ARHGAP6: variants seen among roughly 807,000 people sequenced by gnomAD.
ARHGAP6 encodes rho GTPase-activating protein 6.
ARHGAP6 carries 16 observed loss-of-function variants against 55.7 expected under a neutral mutation model. The observed-to-expected ratio is 0.29, with a 90% CI of 0.19 to 0.44. The LOEUF (loss-of-function observed/expected upper bound fraction) is 0.44. ARHGAP6 is among the 20% of genes least tolerant of loss of function. The probability of loss-of-function intolerance (pLI) is 1.00; values close to 1 mark genes in which losing one functional copy is unlikely to be tolerated. For synonymous variants in ARHGAP6, 382 were observed against 360.9 expected, an observed-to-expected ratio of 1.06 and a Z score of -0.66; for missense variants, 698 against 808.9, an observed-to-expected ratio of 0.86 and a Z score of 1.66.
rs71928650 is a variant in ARHGAP6, at chrX:11,514,838, GCACACA to G, written c.588+149397_588+149402del. Reference sequence around the variant, plus strand: ...CCCTCTTCACCTTTGTCTATGCATTGCACACACACACACACACACACACACACACAC... The same window carrying G: ...CCCTCTTCACCTTTGTCTATGCATTGCACACACACACACACACACACACAC... On this transcript the variant is annotated intron_variant, in intron 1 of 12. Coordinates refer to ENST00000337414, the MANE Select transcript of ARHGAP6 (RefSeq NM_013427.3). 8.4e-3 allele frequency among the ~76,000 whole-genome samples: 804 copies of G among 96,210 alleles called. 2 individuals are homozygous for G. Among genetic ancestry groups the G allele is most frequent in the Middle Eastern group, 0.025 (5 of 197 alleles). The allele number at this position is 96,210 out of a possible 115,157, so 83.5% of individuals were successfully genotyped here. A position where few individuals can be genotyped will look rare whatever the true frequency, so the allele number is the denominator to read the frequency against.
At chrX:11,466,014 C>T (rs917177929) in intron 1 of ARHGAP6, among the ~76,000 whole-genome samples, 6 of 110,906 alleles carry the variant, frequency 5.4e-5, no homozygotes, top group African/African-American at 2.0e-4. Flanking sequence ...GTTAACCCTG[C>T]CCATCTTCCG....
intron 1 of ARHGAP6, among the ~76,000 whole-genome samples, chrX:11,300,433 G>A (rs1461086029): frequency 9.0e-6 from 1 of 111,722 alleles, no homozygotes; most frequent in Non-Finnish European, 1.9e-5. Context: ...AGTCCTCATG[G>A]ACACCTAATA....
At chrX:11,523,526 C>A (rs1037816532) in intron 1 of ARHGAP6, among the ~76,000 whole-genome samples, 2 of 112,120 alleles carry the variant, frequency 1.8e-5, no homozygotes, top group African/African-American at 6.5e-5. Context: ...TGATAAGCAA[C>A]TTCAGCAAAG....
At chrX:11,296,131 T>C (rs1418804754) in intron 1 of ARHGAP6, among the ~76,000 whole-genome samples, 2 of 112,773 alleles carry the variant, frequency 1.8e-5, no homozygotes, top group Non-Finnish European at 3.7e-5. Context: ...GGATTTATAA[T>C]GTTTCCACTT....
chrX:11,467,304 T>C (rs189590187), intron 1 of ARHGAP6, among the ~76,000 whole-genome samples: 2 of 110,001 alleles, frequency 1.8e-5, no homozygotes, highest in East Asian at 2.9e-4. Flanking sequence ...CTGGATGTGG[T>C]AGCACTCACC....
chrX:11,285,933 C>T (rs1329392953), intron 1 of ARHGAP6, among the ~76,000 whole-genome samples: 1 of 112,187 alleles, frequency 8.9e-6, no homozygotes, highest in East Asian at 2.8e-4. Flanking sequence ...CACTTGTTTT[C>T]GTTAGCTACG....
chrX:11,507,711 C>G (rs2050748130), intron 1 of ARHGAP6, among the ~76,000 whole-genome samples: 1 of 111,214 alleles, frequency 9.0e-6, no homozygotes, highest in African/African-American at 3.3e-5. Context: ...CAATTGTGCC[C>G]CCAGGCAGAC....
chrX:11,351,411 G>A (rs1016657656), intron 1 of ARHGAP6: 1 of 967,339 alleles, frequency 1.0e-6, no homozygotes, highest in African/African-American at 2.0e-5. Context: ...GAGAACAGTC[G>A]ACCCAAGTGA....
chrX:11,645,088 A>G (rs946004826), intron 1 of ARHGAP6, among the ~76,000 whole-genome samples: 16 of 111,952 alleles, frequency 1.4e-4, no homozygotes, highest in African/African-American at 5.2e-4. Flanking sequence ...CAGTCTCAAA[A>G]GGCTAAATAC....
intron 3 of ARHGAP6, among the ~76,000 whole-genome samples, chrX:11,195,987 A>AAAAAAAAAAG (rs770765295): frequency 1.0e-5 from 1 of 95,480 alleles, no homozygotes; most frequent in Non-Finnish European, 2.1e-5. Flanking sequence ...AAAAAAAAAA[A>AAAAAAAAAAG]GCCGGTTGTG....
chrX:11,380,885 G>A (rs1446566354), intron 1 of ARHGAP6, among the ~76,000 whole-genome samples: 1 of 112,174 alleles, frequency 8.9e-6, no homozygotes. Context: ...AGTGTCCTCT[G>A]GGAGTCAAAT....
intron 3 of ARHGAP6, among the ~76,000 whole-genome samples, chrX:11,195,887 G>A (rs112302186): frequency 0.031 from 3,158 of 103,173 alleles, 40 homozygotes; most frequent in Middle Eastern, 0.068. Flanking sequence ...AGGCTGAGGC[G>A]GGTGGAACAC....
chrX:11,183,220 CT>C (rs1180430361), intron 5 of ARHGAP6, among the ~76,000 whole-genome samples: 3 of 111,417 alleles, frequency 2.7e-5, no homozygotes, highest in Non-Finnish European at 5.7e-5. Context: ...CCCCCAAAAT[CT>C]ATGGAGATAT....
intron 2 of ARHGAP6, among the ~76,000 whole-genome samples, chrX:11,211,104 A>G (rs1459282735): frequency 8.9e-6 from 1 of 112,114 alleles, no homozygotes; most frequent in Non-Finnish European, 1.9e-5. Flanking sequence ...TATTTTATAA[A>G]TGATACAACC....
chrX:11,625,771 T>C (rs2052291784), intron 1 of ARHGAP6, among the ~76,000 whole-genome samples: 1 of 111,936 alleles, frequency 8.9e-6, no homozygotes, highest in South Asian at 3.7e-4. Context: ...CATTGTATGC[T>C]TGTAACAAAA....
chrX:11,492,061 GT>G (rs899808434), intron 1 of ARHGAP6, among the ~76,000 whole-genome samples: 3 of 109,068 alleles, frequency 2.8e-5, no homozygotes, highest in African/African-American at 6.8e-5. Flanking sequence ...CGATGGGGTT[GT>G]TTTTTTCTTG....
chrX:11,304,776 ACTTTTT>A (rs1477675418), intron 1 of ARHGAP6, among the ~76,000 whole-genome samples: 44 of 42,427 alleles, frequency 1.0e-3, no homozygotes, highest in African/African-American at 4.2e-3. Flanking sequence ...TCTTTCTTTT[ACTTTTT>A]TTTTTTTTTT....
At chrX:11,486,922 G>A (rs1373460609) in intron 1 of ARHGAP6, among the ~76,000 whole-genome samples, 2 of 111,969 alleles carry the variant, frequency 1.8e-5, no homozygotes, top group Admixed American at 1.9e-4. Context: ...CCCAAGAAAG[G>A]TGAGCAAAGC....
intron 1 of ARHGAP6, among the ~76,000 whole-genome samples, chrX:11,488,504 G>A (rs938597351): frequency 4.5e-5 from 5 of 110,944 alleles, no homozygotes; most frequent in African/African-American, 1.3e-4. Flanking sequence ...TAGTAAAGCA[G>A]CTTGTCACAA....
Sources: allele counts gnomAD v4.1 joint callset (sites outside exome capture counted in the v4.1 genomes callset), GRCh38; gene constraint gnomAD v4.1.1; transcripts MANE v1.5; gene names NCBI Gene and HGNC (gene_info 2026-07-23, HGNC 2026-07-21).